The following MRGBP variants were observed in gnomAD, a reference collection of about 807,000 sequenced individuals.
The protein encoded by MRGBP is MRG/MORF4L-binding protein.
A neutral mutation model predicts 21.5 loss-of-function variants in MRGBP; 5 were observed. That is an observed-to-expected ratio of 0.23 (90% CI 0.12 to 0.49). MRGBP has a LOEUF of 0.49. Among genes scored for constraint, MRGBP ranks in the 20% least tolerant of loss-of-function variants. The pLI is 0.98. For synonymous variants in MRGBP, 118 were observed against 104.4 expected, an observed-to-expected ratio of 1.13 and a Z score of -0.79; for missense variants, 227 against 277.4, an observed-to-expected ratio of 0.82 and a Z score of 1.29.
In MRGBP at chr20:62,796,688, C is replaced by T. The variant is rs1990342333; in HGVS notation, c.148+17C>T. The T allele has an allele frequency of 6.3e-6, 8 of 1,279,500 alleles. No individual in the cohort carries two copies. Among genetic ancestry groups the T allele is most frequent in the African/African-American group, 1.6e-5 (1 of 62,708 alleles). The allele number at this position is 1,279,500 out of a possible 1,614,324, so 79.3% of individuals were successfully genotyped here. A position where few individuals can be genotyped will look rare whatever the true frequency, so the allele number is the denominator to read the frequency against. On this transcript the variant is annotated intron_variant, in intron 1 of 4. Transcript: ENST00000370487. ...AGCCCGTCGGTGAGCGCCCAGGCTG[C>T]GGACGCGCGTGGGGGCGGGGCGGGC...
chr20:62,799,227 ATGT>A (rs1320159478), intron 4 of MRGBP, among the ~76,000 whole-genome samples, 178 bp downstream of exon 4: 1 of 152,060 alleles, frequency 6.6e-6, no homozygotes, highest in Non-Finnish European at 1.5e-5. Flanking sequence ...TGCCTGCTCC[ATGT>A]TGTAGGCCAG....
Position 62,797,166 on chromosome 20 carries a change from G to A in MRGBP, c.205G>A (p.Gly69Arg). Residue 69 changes from glycine to arginine, a missense_variant, in exon 2 of 5, where the codon GGG (glycine) becomes AGG (arginine). Coordinates refer to ENST00000370487, the MANE Select transcript of MRGBP (RefSeq NM_018270.6). ...CIRDKFSQNI[G>R]RQVPSKVIWD... ...TCGGGACAAGTTCAGCCAGAACATCGGGCGGCAGGTCCCATCCAAGGTCAT... is the reference window on the plus strand; with the variant it reads ...TCGGGACAAGTTCAGCCAGAACATCAGGCGGCAGGTCCCATCCAAGGTCAT... 6.2e-7 allele frequency: 1 copy of A among 1,606,516 alleles called. No individual in the cohort carries two copies. Among genetic ancestry groups the A allele is most frequent in the Non-Finnish European group, 8.5e-7 (1 of 1,177,690 alleles).
chr20:62,799,065 A>T lies in MRGBP; in HGVS notation c.427+16A>T. The T allele has an allele frequency of 6.3e-7, 1 of 1,597,806 alleles. No homozygotes were observed. Among genetic ancestry groups the T allele is most frequent in the Non-Finnish European group, 8.5e-7 (1 of 1,170,344 alleles). Reference sequence around the variant, plus strand: ...GCTGACGATGGTGAGTGTGGAGCTCACCCTGCCCTGATGCCCTTTGGGGCT... The same window carrying T: ...GCTGACGATGGTGAGTGTGGAGCTCTCCCTGCCCTGATGCCCTTTGGGGCT... On this transcript the variant is annotated intron_variant, in intron 4 of 4. Coordinates refer to ENST00000370487, the MANE Select transcript of MRGBP (RefSeq NM_018270.6).
intron 4 of MRGBP, 128 bp downstream of exon 4, chr20:62,799,177 A>G (rs1990401389): frequency 2.0e-6 from 2 of 984,304 alleles, no homozygotes; most frequent in African/African-American, 3.3e-5. Context: ...TCATCTAGGC[A>G]CAGGATGGAT....
At position 62,801,493 on chromosome 20, in the gene MRGBP, G is replaced by C. The variant is rs569986491; in HGVS notation, c.*1850G>C. ...CTCCTGTTAGGTCAGCCTCATTCAG[G>C]GCTTTGTGCCAGGTCCTGTCCTGGA... On this transcript the variant is annotated 3_prime_UTR_variant, in exon 5 of 5. Transcript: ENST00000370487. The C allele has an allele frequency of 1.4e-4, 22 of 152,368 alleles. No homozygotes were observed. Among genetic ancestry groups the C allele is most frequent in the African/African-American group, 4.6e-4 (19 of 41,566 alleles). 9.4% of individuals were successfully genotyped at this position (152,368 alleles called of 1,614,324 possible). A position where few individuals can be genotyped will look rare whatever the true frequency, so the allele number is the denominator to read the frequency against.
intron 2 of MRGBP, among the ~76,000 whole-genome samples, chr20:62,798,072 A>G (rs1990373699): frequency 1.3e-5 from 2 of 151,116 alleles, no homozygotes; most frequent in Non-Finnish European, 3.0e-5. Context: ...CCTGGCAAGC[A>G]CTCTCTTCTT....
chr20:62,799,557 C>T lies in MRGBP; in HGVS notation c.529C>T (p.Arg177Trp). The T allele has an allele frequency of 6.2e-7, 1 of 1,613,842 alleles. No homozygotes were observed. The highest frequency in any genetic ancestry group is 8.5e-7 in the Non-Finnish European group (1 of 1,180,012). ...DLGCKEGADKRKRSRVTDKVL... is the reference protein window; with the variant it reads ...DLGCKEGADKWKRSRVTDKVL... Reference sequence around the variant, plus strand: ...GGGGTGCAAAGAAGGCGCAGACAAGCGGAAGCGCAGCCGGGTCACCGACAA... The same window carrying T: ...GGGGTGCAAAGAAGGCGCAGACAAGTGGAAGCGCAGCCGGGTCACCGACAA... The change falls in exon 5 of 5, where the codon CGG (arginine) becomes TGG (tryptophan). Residue 177 changes from arginine to tryptophan, a missense_variant. This residue lies in a region of MRGBP where 162 missense variants were observed against 227.7 expected (regional missense o/e 0.71). Transcript: ENST00000370487.
Position 62,798,602 on chromosome 20 carries a change from C to A in MRGBP, c.286C>A (p.Leu96Ile). Residue 96 changes from leucine (L) to isoleucine (I), a missense_variant, in exon 3 of 5, where the codon CTT (leucine) becomes ATT (isoleucine). By Grantham distance (5) the Leu-to-Ile change is conservative. This residue lies in a region of MRGBP where 162 missense variants were observed against 227.7 expected (regional missense o/e 0.71). Transcript: ENST00000370487. ...DMQALHESEI[L>I]PFPNPERNFV... ...TTGATATCAGCATGAGTCTGAGATT[C>A]TTCCATTCCCGAATCCAGAGAGGAA... 1 of 1,613,492 alleles carries A rather than the reference C, an allele frequency of 6.2e-7. No homozygotes were observed. The highest frequency in any genetic ancestry group is 8.5e-7 in the Non-Finnish European group (1 of 1,179,644).
At chr20:62,798,454 C>T in intron 2 of MRGBP, 133 bp from the exon 3 acceptor site, 1 of 717,300 alleles carries the variant, frequency 1.4e-6, no homozygotes, top group East Asian at 2.6e-5. Context: ...CCTTGCCCCG[C>T]CCGCCGCAGC....
At chr20:62,799,418 A>G in intron 4 of MRGBP, 38 bp from the exon 5 acceptor site, 2 of 1,590,588 alleles carry the variant, frequency 1.3e-6, no homozygotes, top group African/African-American at 1.4e-5. Context: ...AAGATTCTGG[A>G]TATTCTGTTT....
intron 2 of MRGBP, among the ~76,000 whole-genome samples, chr20:62,797,730 C>A (rs1187961038): frequency 1.3e-5 from 2 of 152,224 alleles, no homozygotes; most frequent in African/African-American, 4.8e-5. Flanking sequence ...TTGGTGACTT[C>A]TGTGGGAGTC....
chr20:62,797,760 C>T (rs1050814043), intron 2 of MRGBP, among the ~76,000 whole-genome samples: 2 of 152,210 alleles, frequency 1.3e-5, no homozygotes, highest in African/African-American at 4.8e-5. Flanking sequence ...GAGTTCCAGT[C>T]CTCGCAGAGC....
rs200094860 is a variant in MRGBP at position 62,797,244 on chromosome 20, G to A, written c.270+13G>A. The A allele has an allele frequency of 1.3e-6, 2 of 1,562,890 alleles. No individual in the cohort carries two copies. The highest frequency in any genetic ancestry group is 1.7e-6 in the Non-Finnish European group (2 of 1,154,704). ...CATGCAGGCGCTGGTGAGCCCAACC[G>A]CCCTCCCTGTGCCGCCCGATGGGGG... On this transcript the variant is annotated intron_variant, in intron 2 of 4. Transcript: ENST00000370487.
chr20:62,797,363 T>C, intron 2 of MRGBP, 132 bp downstream of exon 2: 1 of 1,234,706 alleles, frequency 8.1e-7, no homozygotes, highest in Non-Finnish European at 1.1e-6. Flanking sequence ...TAGAGGCCCC[T>C]CCATGCCTGC....
At position 62,796,556 on chromosome 20, in the gene MRGBP, C is replaced by G. The variant is rs768409841; in HGVS notation, c.33C>G (p.Ala11=). ...AGGCCGAGGTGGGCGGCGGGGGCGC[C>G]GCAGGCGACAAGGGCCCGGGGGAGG... MGEAEVGGGG[A]AGDKGPGEAA... is the part of the protein sequence containing the mutation. Residue 11 remains alanine (A), a synonymous_variant, in exon 1 of 5, where the codon GCC becomes GCG. Coordinates refer to ENST00000370487, the MANE Select transcript of MRGBP (RefSeq NM_018270.6). 1.7e-6 allele frequency: 2 copies of G among 1,211,776 alleles called. No individual in the cohort carries two copies. The highest frequency in any genetic ancestry group is 2.1e-6 in the Non-Finnish European group (2 of 969,666). 75.1% of individuals were successfully genotyped at this position (1,211,776 alleles called of 1,614,324 possible). A position where few individuals can be genotyped will look rare whatever the true frequency, so the allele number is the denominator to read the frequency against.
chr20:62,798,987 TAGA>T lies in MRGBP; in HGVS notation c.369_371del (p.Glu125del), dbSNP rs1413320610. 1.2e-6 allele frequency: 2 copies of T among 1,613,640 alleles called. No individual in the cohort carries two copies. The stretch of plus-strand genomic sequence containing the variant: ...GTCTCCTCCACAGGAAAAGTGATGA[TAGA>T]AGAGGAGATGAAAGAGGAGATGAAG... On this transcript the variant is annotated inframe_deletion, in exon 4 of 5. Transcript: ENST00000370487.
chr20:62,799,705 C>G lies in MRGBP; in HGVS notation c.*62C>G. Reference sequence around the variant, plus strand: ...GCACTGTGGTCGCTGAGGGGGTTGGCTGGGTCTGAGTGCCACCCCCCAGGC... The same window carrying G: ...GCACTGTGGTCGCTGAGGGGGTTGGGTGGGTCTGAGTGCCACCCCCCAGGC... On this transcript the variant is annotated 3_prime_UTR_variant, in exon 5 of 5. Coordinates refer to ENST00000370487, the MANE Select transcript of MRGBP (RefSeq NM_018270.6). 6.5e-7 allele frequency: 1 copy of G among 1,539,952 alleles called. No homozygotes were observed. Among genetic ancestry groups the G allele is most frequent in the Non-Finnish European group, 8.8e-7 (1 of 1,142,410 alleles).
Position 62,798,640 on chromosome 20 carries a change from A to G in MRGBP, c.324A>G (p.Pro108=). The G allele has an allele frequency of 6.2e-7, 1 of 1,613,858 alleles. No individual in the cohort carries two copies. Among genetic ancestry groups the G allele is most frequent in the Non-Finnish European group, 8.5e-7 (1 of 1,179,916 alleles). Reference sequence around the variant, plus strand: ...ATCCAGAGAGGAACTTCGTCCTTCCAGAAGAGATCATTCAGGAGGTCCGAG... The same window carrying G: ...ATCCAGAGAGGAACTTCGTCCTTCCGGAAGAGATCATTCAGGAGGTCCGAG... ...FPNPERNFVL[P]EEIIQEVREG... The change falls in exon 3 of 5, where the codon CCA becomes CCG. Residue 108 remains proline (P), a synonymous_variant. Coordinates refer to ENST00000370487, the MANE Select transcript of MRGBP (RefSeq NM_018270.6).
intron 1 of MRGBP, 110 bp from the exon 2 acceptor site, chr20:62,797,000 C>T (rs535619354): frequency 1.0e-6 from 1 of 994,914 alleles, no homozygotes; most frequent in Non-Finnish European, 1.4e-6. Context: ...CTGGCCCTCC[C>T]CATCTCTCCG....
Sources: allele counts gnomAD v4.1 joint callset (sites outside exome capture counted in the v4.1 genomes callset), GRCh38; gene constraint gnomAD v4.1.1; regional missense constraint gnomAD v4.1.1; transcripts MANE v1.5; gene names NCBI Gene and HGNC (gene_info 2026-07-23, HGNC 2026-07-21).